The following PGM1 variants were observed in gnomAD, a reference collection of about 807,000 sequenced individuals.
PGM1 encodes the protein phosphoglucomutase 1.
Under a neutral mutation model 55.6 loss-of-function variants are expected in PGM1, and 52 were observed. The observed-to-expected ratio is 0.94, with a 90% CI of 0.75 to 1.18. PGM1 has a LOEUF of 1.18. PGM1 is among the 50% of genes most tolerant of loss of function. The pLI, the probability that PGM1 is intolerant of heterozygous loss-of-function variation, is 0.00. For synonymous variants in PGM1, 287 were observed against 271.7 expected, an observed-to-expected ratio of 1.06 and a Z score of -0.55; for missense variants, 724 against 729.3, an observed-to-expected ratio of 0.99 and a Z score of 0.08.
At chr1:63,604,735 T>A (rs1648363156) in intron 1 of PGM1, among the ~76,000 whole-genome samples, 1 of 152,068 alleles carries the variant, frequency 6.6e-6, no homozygotes, top group African/African-American at 2.4e-5. Context: ...AACACAGCAC[T>A]CCTTTCCAGT....
intron 1 of PGM1, chr1:63,623,581 CGGAAGAAAACCTATTATTTTGA>C: frequency 6.2e-7 from 1 of 1,612,756 alleles, no homozygotes; most frequent in Non-Finnish European, 8.5e-7. Context: ...AAGTGGATTA[CGGAAGAAAACCTATTATTTTGA>C]GGAAAAGCCA....
At chr1:63,614,747 A>G (rs1264225355) in intron 1 of PGM1, among the ~76,000 whole-genome samples, 3 of 152,220 alleles carry the variant, frequency 2.0e-5, no homozygotes, top group Non-Finnish European at 4.4e-5. Context: ...GACAGATGAC[A>G]TAATCTCTGT....
intron 1 of PGM1, among the ~76,000 whole-genome samples, chr1:63,602,758 T>C (rs1277793477): frequency 6.6e-6 from 1 of 152,008 alleles, no homozygotes; most frequent in Non-Finnish European, 1.5e-5. Context: ...AATGAGCTGA[T>C]TGGTGAAACT....
intron 10 of PGM1, among the ~76,000 whole-genome samples, chr1:63,658,943 AAG>A (rs1650039216): frequency 6.6e-6 from 1 of 152,192 alleles, no homozygotes; most frequent in African/African-American, 2.4e-5. Context: ...CAGCAGGCAA[AAG>A]AGAGAAATTG....
At chr1:63,654,967 CTTTTT>C (rs58711467) in intron 10 of PGM1, among the ~76,000 whole-genome samples, 2 of 131,628 alleles carry the variant, frequency 1.5e-5, no homozygotes, top group African/African-American at 2.9e-5. Flanking sequence ...ATGAATCTCT[CTTTTT>C]TTTTTTTTTT....
At chr1:63,594,292 G>C in intron 1 of PGM1, 1 of 235,850 alleles carries the variant, frequency 4.2e-6, no homozygotes, top group Non-Finnish European at 6.9e-6. Context: ...GGGGCGTCAG[G>C]TTGGCAGATC....
At chr1:63,641,450 C>A (rs1322844980) in intron 7 of PGM1, among the ~76,000 whole-genome samples, 1 of 152,196 alleles carries the variant, frequency 6.6e-6, no homozygotes, top group Non-Finnish European at 1.5e-5. Context: ...TTTTTAGCAA[C>A]CACGCCCCTT....
chr1:63,609,905 G>A (rs1648522662), intron 1 of PGM1, among the ~76,000 whole-genome samples: 2 of 152,200 alleles, frequency 1.3e-5, no homozygotes, highest in South Asian at 4.1e-4. Flanking sequence ...AGGTGGATCA[G>A]ATGCATTTTT....
In PGM1 at chr1:63,593,456, C is replaced by G. The variant is rs765034541; in HGVS notation, c.-33C>G. ...CGGCCGCCCCTCCGCCAGCCAAGTC[C>G]GCCGCTCTGACCCCCGGCAGCAAGT... On this transcript the variant is annotated 5_prime_UTR_variant, in exon 1 of 11. Transcript: ENST00000371084. 9.3e-6 allele frequency: 15 copies of G among 1,612,770 alleles called. No individual in the cohort carries two copies. The East Asian group carries it at 1.6e-4, about 17-fold the overall frequency.
intron 7 of PGM1, among the ~76,000 whole-genome samples, chr1:63,639,533 T>C (rs1649459057): frequency 6.6e-6 from 1 of 151,980 alleles, no homozygotes; most frequent in Admixed American, 6.6e-5. Flanking sequence ...AGTCTCTCTT[T>C]CCTAAAAGTC....
At chr1:63,629,074 G>T (rs1649116184) in intron 1 of PGM1, among the ~76,000 whole-genome samples, 1 of 152,078 alleles carries the variant, frequency 6.6e-6, no homozygotes, top group Admixed American at 6.6e-5. Flanking sequence ...AAAAATGTGG[G>T]TTTTCTCATA....
Position 63,648,660 on chromosome 1 carries a change from A to C in PGM1, c.1280+8A>C, listed in dbSNP as rs1025954331. ...CCGGAATTTCTTCACCAGGTGAGCC[A>C]CAGCCCAGCTGGGGTACAAGGTAAG... On this transcript the variant is annotated splice_region_variant and intron_variant, in intron 8 of 10. Coordinates refer to ENST00000371084, the MANE Select transcript of PGM1 (RefSeq NM_002633.3). 1.9e-6 allele frequency: 3 copies of C among 1,613,624 alleles called. No homozygotes were observed. Among genetic ancestry groups the C allele is most frequent in the Non-Finnish European group, 2.5e-6 (3 of 1,179,880 alleles).
At chr1:63,650,349 A>G (rs1649773601) in intron 8 of PGM1, among the ~76,000 whole-genome samples, 1 of 151,864 alleles carries the variant, frequency 6.6e-6, no homozygotes, top group African/African-American at 2.4e-5. Context: ...CAAAACCCAG[A>G]CTCTTCTATT....
At chr1:63,658,349 T>G (rs913175591) in intron 10 of PGM1, among the ~76,000 whole-genome samples, 5 of 151,850 alleles carry the variant, frequency 3.3e-5, no homozygotes, top group African/African-American at 9.7e-5. Context: ...TTAGTAGTTT[T>G]TTTTTTTTTT....
chr1:63,598,116 T>C (rs2100953552), intron 1 of PGM1, among the ~76,000 whole-genome samples: 1 of 152,160 alleles, frequency 6.6e-6, no homozygotes, highest in Admixed American at 6.6e-5. Context: ...GGTCTACAGG[T>C]GCATGCCACC....
At chr1:63,639,146 GAGAAGAAA>G (rs1287821935) in intron 7 of PGM1, among the ~76,000 whole-genome samples, 2 of 152,088 alleles carry the variant, frequency 1.3e-5, no homozygotes, top group African/African-American at 4.8e-5. Flanking sequence ...TTTCATTTCT[GAGAAGAAA>G]TACGGTGGAG....
intron 7 of PGM1, among the ~76,000 whole-genome samples, chr1:63,645,060 C>T (rs1570509352): frequency 6.6e-6 from 1 of 152,214 alleles, no homozygotes; most frequent in Non-Finnish European, 1.5e-5. Flanking sequence ...GAAATTTGCT[C>T]CAACTTCCTG....
chr1:63,593,972 C>G (rs1433295396), intron 1 of PGM1: 1 of 1,193,150 alleles, frequency 8.4e-7, no homozygotes, highest in South Asian at 3.4e-5. Flanking sequence ...TCCCGGGGCG[C>G]CGGGAGGTGC....
rs930181526 is a variant in PGM1 at position 63,636,368 on chromosome 1, C to T, written c.1008C>T (p.Pro336=). 1.9e-6 allele frequency: 3 copies of T among 1,613,986 alleles called. No individual in the cohort carries two copies. In the African/African-American group the frequency reaches 4.0e-5, roughly 22 times the overall value. ...TGVRGFARSM[P]TSGALDRVAS... is the part of the protein sequence containing the mutation. ...TCCGCGGCTTTGCACGGAGCATGCC[C>T]ACGAGTGGTGCTCTGGACCGGTAGG... The change falls in exon 6 of 11, where the codon CCC becomes CCT. Residue 336 remains proline, a synonymous_variant. Coordinates refer to ENST00000371084, the MANE Select transcript of PGM1 (RefSeq NM_002633.3).
Sources: gnomAD v4.1 joint callset for allele counts (sites outside exome capture counted in the v4.1 genomes callset) on GRCh38, gnomAD v4.1.1 for gene constraint, MANE v1.5 for transcripts, NCBI Gene and HGNC (gene_info 2026-07-23, HGNC 2026-07-21) for gene names.